OTOGL: variants seen among roughly 807,000 people sequenced by gnomAD.
The protein encoded by OTOGL is otogelin-like protein.
A neutral mutation model predicts 318.5 loss-of-function variants in OTOGL; 285 were observed. The ratio of observed to expected loss-of-function variants is 0.89; its 90% CI spans 0.81 to 0.99. The LOEUF (loss-of-function observed/expected upper bound fraction) is 0.99. Ranked by LOEUF, OTOGL falls within the 50% of genes least tolerant of loss-of-function variation. The probability of loss-of-function intolerance (pLI) is 0.00; values close to 1 mark genes in which losing one functional copy is unlikely to be tolerated. For synonymous variants in OTOGL, 987 were observed against 936.5 expected (o/e 1.05, Z -0.99); for missense variants, 2,899 against 2,845.6 (o/e 1.02, Z -0.43).
At chr12:80,318,131 C>T (rs1051899262) in intron 32 of OTOGL, among the ~76,000 whole-genome samples, 3 of 152,092 alleles carry the variant, frequency 2.0e-5, no homozygotes, top group Admixed American at 2.0e-4. Flanking sequence ...ATCCAATTAT[C>T]CTTTCCCCTT....
intron 7 of OTOGL, among the ~76,000 whole-genome samples, chr12:80,224,992 A>G (rs1247435616): frequency 6.6e-6 from 1 of 152,084 alleles, no homozygotes; most frequent in Non-Finnish European, 1.5e-5. Flanking sequence ...CCTATATCAA[A>G]ACATCTCCTG....
chr12:80,207,835 A>G (rs999414461), intron 1 of OTOGL, among the ~76,000 whole-genome samples: 2 of 152,208 alleles, frequency 1.3e-5, no homozygotes, highest in Admixed American at 6.5e-5. Context: ...TATTCTTAAG[A>G]ATCTAAAATA....
At chr12:80,285,976 T>C (rs769875357) in intron 26 of OTOGL, among the ~76,000 whole-genome samples, 25 of 152,212 alleles carry the variant, frequency 1.6e-4, no homozygotes, top group Non-Finnish European at 3.1e-4. Flanking sequence ...GCTTCCAGTT[T>C]TTGCCCATTC....
chr12:80,212,068 C>A, intron 4 of OTOGL, 71 bp downstream of exon 4: 1 of 1,397,754 alleles, frequency 7.2e-7, no homozygotes, highest in Non-Finnish European at 9.8e-7. Flanking sequence ...GCTGTCACTT[C>A]AACAATGAGA....
At chr12:80,200,051 C>G (rs1876351717) in intron 1 of OTOGL, among the ~76,000 whole-genome samples, 1 of 152,168 alleles carries the variant, frequency 6.6e-6, no homozygotes, top group Non-Finnish European at 1.5e-5. Context: ...TTGGCATCAT[C>G]ATTATCATCA....
intron 1 of OTOGL, among the ~76,000 whole-genome samples, chr12:80,195,636 A>T (rs1035533686): frequency 5.3e-5 from 8 of 152,182 alleles, no homozygotes; most frequent in African/African-American, 9.7e-5. Flanking sequence ...GTAAAAACTT[A>T]TCAGTCTGTG....
intron 1 of OTOGL, among the ~76,000 whole-genome samples, chr12:80,147,434 C>T (rs1484238045): frequency 6.6e-6 from 1 of 150,622 alleles, no homozygotes; most frequent in African/African-American, 2.5e-5. Context: ...TTGTTATAAT[C>T]TCTGTTCTTT....
chr12:80,144,467 TG>T (rs1336846005), intron 1 of OTOGL, among the ~76,000 whole-genome samples: 1 of 148,736 alleles, frequency 6.7e-6, no homozygotes, highest in Non-Finnish European at 1.5e-5. Context: ...GTTGGACATT[TG>T]GGTTGGTTCC....
At chr12:80,349,095 A>AC (rs1889380527) in intron 44 of OTOGL, among the ~76,000 whole-genome samples, 1 of 19,522 alleles carries the variant, frequency 5.1e-5, no homozygotes, top group African/African-American at 2.8e-4. Flanking sequence ...GAGAAGGGAT[A>AC]CTTTTTTTTT....
intron 57 of OTOGL, among the ~76,000 whole-genome samples, chr12:80,376,825 G>A (rs1891200191): frequency 6.6e-6 from 1 of 151,970 alleles, no homozygotes; most frequent in Non-Finnish European, 1.5e-5. Context: ...GTTGATGTTA[G>A]CATTATTACA....
intron 1 of OTOGL, among the ~76,000 whole-genome samples, chr12:80,106,035 G>A (rs1231143639): frequency 6.6e-6 from 1 of 152,016 alleles, no homozygotes; most frequent in East Asian, 1.9e-4. Context: ...AAAACAAAAA[G>A]GAATAATTCC....
Position 80,265,108 on chromosome 12 carries a change from A to C in OTOGL, c.2122A>C (p.Lys708Gln), listed in dbSNP as rs780879560. The C allele has an allele frequency of 1.2e-6, 2 of 1,613,840 alleles. No homozygotes were observed. The highest frequency in any genetic ancestry group is 2.2e-5 in the South Asian group (2 of 91,084). The change falls in exon 20 of 59, where the codon AAG (lysine) becomes CAG (glutamine). Residue 708 changes from lysine to glutamine, a missense_variant. This residue lies in a region of OTOGL where 2,607 missense variants were observed against 2,524.9 expected (regional missense o/e 1.03). Coordinates refer to ENST00000547103, the MANE Select transcript of OTOGL (RefSeq NM_001378609.3). ...YYQLCRHDAC[K>Q]CGSSCLCNAL... is the part of the protein sequence containing the mutation. ...TCAGCTATGCCGCCACGATGCATGC[A>C]AGTGTGGAAGCTCCTGCCTGTGCAA...
At chr12:80,208,561 C>G (rs1315837534) in intron 1 of OTOGL, among the ~76,000 whole-genome samples, 1 of 152,178 alleles carries the variant, frequency 6.6e-6, no homozygotes, top group African/African-American at 2.4e-5. Context: ...GGGCTCAGAT[C>G]TATAAATTTC....
At position 80,145,595 on chromosome 12, in the gene OTOGL, A is replaced by C. The variant is rs1244962094; in HGVS notation, c.-20+45990A>C. Among the ~76,000 whole-genome samples, 43 of 152,124 alleles carry C rather than the reference A, an allele frequency of 2.8e-4. 1 individual carries two copies. In the East Asian group the frequency reaches 7.2e-3, roughly 25 times the overall value. On this transcript the variant is annotated intron_variant, in intron 1 of 58. Coordinates refer to ENST00000547103, the MANE Select transcript of OTOGL (RefSeq NM_001378609.3). The stretch of plus-strand genomic sequence containing the variant: ...AGTAGTTTTTTCCAATTCCGTGAAG[A>C]AAGGCATTGGTAGCTTGATGGGGAT...
chr12:80,152,566 A>C (rs1183771124), intron 1 of OTOGL, among the ~76,000 whole-genome samples: 1 of 152,236 alleles, frequency 6.6e-6, no homozygotes, highest in African/African-American at 2.4e-5. Context: ...AAAACAGTCT[A>C]TGGATGTAAG....
At chr12:80,290,954 G>T (rs1885003447) in intron 26 of OTOGL, among the ~76,000 whole-genome samples, 1 of 152,108 alleles carries the variant, frequency 6.6e-6, no homozygotes, top group Non-Finnish European at 1.5e-5. Context: ...AAGTCATTTT[G>T]CAGAATGCTG....
chr12:80,208,287 T>C (rs1364035360), intron 1 of OTOGL: 1 of 492,888 alleles, frequency 2.0e-6, no homozygotes, highest in Admixed American at 2.1e-5. Flanking sequence ...ATATAATGAA[T>C]GTTGGACCAT....
At chr12:80,259,546 A>C (rs1354881114) in intron 18 of OTOGL, among the ~76,000 whole-genome samples, 4 of 151,406 alleles carry the variant, frequency 2.6e-5, no homozygotes, top group Non-Finnish European at 5.9e-5. Flanking sequence ...CCACACCCCC[A>C]GACAGGCCCC....
rs115617128 is a variant in OTOGL, at chr12:80,276,067, G to A, written c.2682-2101G>A. ...CACCTATAATTTACAGTGATTTAAA[G>A]TTTTCCTTTTCCTTCTTCCAGTTTT... On this transcript the variant is annotated intron_variant, in intron 24 of 58. Coordinates refer to ENST00000547103, the MANE Select transcript of OTOGL (RefSeq NM_001378609.3). 8.5e-4 allele frequency among the ~76,000 whole-genome samples: 129 copies of A among 151,786 alleles called. 1 individual carries two copies. The highest frequency in any genetic ancestry group is 3.1e-3 in the African/African-American group (128 of 41,468).
Sources: gnomAD v4.1 joint callset for allele counts (sites outside exome capture counted in the v4.1 genomes callset) on GRCh38, gnomAD v4.1.1 for gene constraint, gnomAD v4.1.1 regional missense constraint, MANE v1.5 for transcripts, NCBI Gene and HGNC (gene_info 2026-07-23, HGNC 2026-07-21) for gene names.